DAB1: variants seen among roughly 807,000 people sequenced by gnomAD.
DAB1 encodes the protein DAB adaptor protein 1.
In DAB1, 15 loss-of-function variants were observed where a neutral mutation model predicts 64.6. That is an observed-to-expected ratio of 0.23 (90% CI 0.16 to 0.36). The LOEUF (loss-of-function observed/expected upper bound fraction) is 0.36, where lower values mean the gene tolerates loss of function less well. Ranked by LOEUF, DAB1 falls within the 10% of genes least tolerant of loss-of-function variation. The probability of loss-of-function intolerance (pLI) is 1.00; values close to 1 mark genes in which losing one functional copy is unlikely to be tolerated. For synonymous variants in DAB1, 235 were observed against 251.9 expected, an observed-to-expected ratio of 0.93 and a Z score of 0.64; for missense variants, 596 against 706.7, an observed-to-expected ratio of 0.84 and a Z score of 1.78.
At chr1:58,033,665 A>G (rs1647002281) in intron 5 of DAB1, among the ~76,000 whole-genome samples, 2 of 152,222 alleles carry the variant, frequency 1.3e-5, no homozygotes, top group African/African-American at 4.8e-5. Flanking sequence ...CAGCTCCAGC[A>G]TTTAGAAAGT....
chr1:57,608,621 T>C (rs995187470), intron 7 of DAB1, among the ~76,000 whole-genome samples: 2 of 152,224 alleles, frequency 1.3e-5, no homozygotes, highest in Admixed American at 6.5e-5. Context: ...TTGGGCTAAA[T>C]ACTTATGTGT....
intron 9 of DAB1, among the ~76,000 whole-genome samples, chr1:57,049,450 CA>C (rs574438911): frequency 0.035 from 866 of 24,514 alleles, 2 homozygotes; most frequent in African/African-American, 0.055. Flanking sequence ...GACTCCGTCT[CA>C]AAAAAAAAAA....
intron 6 of DAB1, among the ~76,000 whole-genome samples, chr1:57,699,265 C>T (rs921065160): frequency 3.3e-5 from 5 of 152,128 alleles, no homozygotes; most frequent in Non-Finnish European, 5.9e-5. Flanking sequence ...AACTTTTTAA[C>T]ATGCAACTTA....
intron 5 of DAB1, among the ~76,000 whole-genome samples, chr1:58,110,167 G>T (rs1299983384): frequency 6.6e-6 from 1 of 152,212 alleles, no homozygotes; most frequent in African/African-American, 2.4e-5. Context: ...CTTTATTTGA[G>T]CCCTTAATTC....
chr1:58,163,513 C>T (rs930361809), intron 4 of DAB1, among the ~76,000 whole-genome samples: 19 of 152,162 alleles, frequency 1.2e-4, no homozygotes, highest in African/African-American at 3.1e-4. Flanking sequence ...CAGCATATAA[C>T]GACCTGAGAA....
chr1:57,324,815 C>T lies in DAB1; in HGVS notation c.-136-33649G>A, dbSNP rs556937069. On this transcript the variant is annotated intron_variant, in intron 1 of 14. Transcript: ENST00000371236. The stretch of plus-strand genomic sequence containing the variant: ...CCATTTCTTCTTTAAGACACTGCTC[C>T]ATCCCAGCCATCCTCCACCACTACC... 6.6e-5 allele frequency among the ~76,000 whole-genome samples: 10 copies of T among 152,240 alleles called. No homozygotes were observed. The East Asian group carries it at 1.7e-3, about 27-fold the overall frequency.
intron 5 of DAB1, among the ~76,000 whole-genome samples, chr1:58,074,015 T>C (rs1649439761): frequency 6.6e-6 from 1 of 152,206 alleles, no homozygotes; most frequent in Admixed American, 6.5e-5. Flanking sequence ...GTGATATTGA[T>C]GAGACACAGG....
chr1:57,131,021 T>C lies in DAB1; in HGVS notation c.306+5522A>G, dbSNP rs145559904. Among the ~76,000 whole-genome samples the C allele has an allele frequency of 1.8e-3, 271 of 152,336 alleles. 2 individuals are homozygous for C. The highest frequency in any genetic ancestry group is 6.3e-3 in the African/African-American group (260 of 41,572). On this transcript the variant is annotated intron_variant, in intron 4 of 14. Coordinates refer to ENST00000371236, the MANE Select transcript of DAB1 (RefSeq NM_001365792.1). ...TGTCTGCCCTGAATATTGCAGATTATTTAGCAGCCTTGGCTTTTAACAATT... is the reference window on the plus strand; with the variant it reads ...TGTCTGCCCTGAATATTGCAGATTACTTAGCAGCCTTGGCTTTTAACAATT...
intron 2 of DAB1, among the ~76,000 whole-genome samples, chr1:58,521,738 A>G (rs544564098): frequency 3.3e-5 from 5 of 152,324 alleles, no homozygotes; most frequent in South Asian, 4.1e-4. Flanking sequence ...GAATAGTTCT[A>G]TATCTATTAA....
intron 4 of DAB1, among the ~76,000 whole-genome samples, chr1:58,304,484 C>T (rs1395089852): frequency 2.0e-5 from 3 of 152,100 alleles, no homozygotes; most frequent in Non-Finnish European, 4.4e-5. Flanking sequence ...AAGAGAAACT[C>T]GTAATGCTCA....
At chr1:57,909,405 T>A (rs1048623147) in intron 5 of DAB1, among the ~76,000 whole-genome samples, 1 of 152,212 alleles carries the variant, frequency 6.6e-6, no homozygotes, top group African/African-American at 2.4e-5. Flanking sequence ...AAATAAGCTA[T>A]AATTTTATAG....
chr1:58,425,059 T>C (rs185188100), intron 3 of DAB1, among the ~76,000 whole-genome samples: 1 of 152,312 alleles, frequency 6.6e-6, no homozygotes, highest in Admixed American at 6.5e-5. Flanking sequence ...CTACAGCCCC[T>C]CTGTTTTCAG....
chr1:57,930,837 T>C (rs12039799), intron 5 of DAB1, among the ~76,000 whole-genome samples: 2,967 of 152,252 alleles, frequency 0.019, 66 homozygotes, highest in East Asian at 0.081. Context: ...TCCCAATCAG[T>C]TTACCTTTTG....
intron 5 of DAB1, among the ~76,000 whole-genome samples, chr1:58,081,401 C>T (rs545768811): frequency 2.0e-5 from 3 of 152,282 alleles, no homozygotes; most frequent in South Asian, 2.1e-4. Context: ...TCATCTGGGG[C>T]TTCTTCTCTA....
At chr1:58,288,659 G>A (rs1251012703) in intron 4 of DAB1, among the ~76,000 whole-genome samples, 1 of 152,126 alleles carries the variant, frequency 6.6e-6, no homozygotes, top group Non-Finnish European at 1.5e-5. Context: ...TACATAATAA[G>A]TGAAAATAAA....
At chr1:57,538,083 C>T (rs1644752375) in intron 7 of DAB1, among the ~76,000 whole-genome samples, 2 of 152,172 alleles carry the variant, frequency 1.3e-5, no homozygotes, top group African/African-American at 4.8e-5. Flanking sequence ...GCCCCACCTG[C>T]AACACTGGGA....
chr1:58,485,228 T>TAAAAAAA (rs71043289), intron 3 of DAB1, among the ~76,000 whole-genome samples: 18 of 42,058 alleles, frequency 4.3e-4, no homozygotes, highest in African/African-American at 1.7e-3. Context: ...AGTCTACTAC[T>TAAAAAAA]AAAAAAAAAA....
intron 4 of DAB1, among the ~76,000 whole-genome samples, chr1:57,098,459 C>T (rs1654372695): frequency 6.6e-6 from 1 of 152,168 alleles, no homozygotes; most frequent in African/African-American, 2.4e-5. Context: ...ACCCCCATTA[C>T]CATCTAATTG....
rs2100217962 is a variant in DAB1, at chr1:58,187,317, TA to T, written n.310-36730del. 2.1e-5 allele frequency among the ~76,000 whole-genome samples: 3 copies of T among 142,408 alleles called. No individual in the cohort carries two copies. The South Asian group carries it at 6.8e-4, about 32-fold the overall frequency. The allele number at this position is 142,408 out of a possible 152,430, so 93.4% of individuals were successfully genotyped here. A position where few individuals can be genotyped will look rare whatever the true frequency, so the allele number is the denominator to read the frequency against. ...CTACAAAAAAAAAAAAAAGTAAAAA[TA>T]AAAAATAAACTAGCCAGGCTCATAG... On this transcript the variant is annotated intron_variant and non_coding_transcript_variant, in intron 4 of 20. Coordinates refer to the DAB1 transcript ENST00000485760.
Sources: allele counts gnomAD v4.1 joint callset (sites outside exome capture counted in the v4.1 genomes callset), GRCh38; gene constraint gnomAD v4.1.1; transcripts MANE v1.5; gene names NCBI Gene and HGNC (gene_info 2026-07-23, HGNC 2026-07-21).